KIF16B: variants seen among roughly 807,000 people sequenced by gnomAD.
KIF16B encodes kinesin family member 16B.
Under a neutral mutation model 156.3 loss-of-function variants are expected in KIF16B, and 98 were observed. The observed-to-expected ratio is 0.63, with a 90% CI of 0.53 to 0.74. The LOEUF (loss-of-function observed/expected upper bound fraction) is 0.74. KIF16B is among the 30% of genes least tolerant of loss of function. KIF16B has a pLI of 0.00. For missense variants in KIF16B, 1,421 were observed against 1,606.5 expected (o/e 0.88, Z 1.97); for synonymous variants, 564 against 583.7 (o/e 0.97, Z 0.49).
intron 12 of KIF16B, among the ~76,000 whole-genome samples, chr20:16,442,863 A>G (rs2066840419): frequency 6.6e-6 from 1 of 152,152 alleles, no homozygotes; most frequent in Non-Finnish European, 1.5e-5. Context: ...GGGAGGAAGA[A>G]AAGAAGGAAA....
intron 23 of KIF16B, among the ~76,000 whole-genome samples, chr20:16,337,270 C>T (rs78080466): frequency 0.037 from 5,590 of 152,118 alleles, 153 homozygotes; most frequent in Middle Eastern, 0.051. Context: ...CTGATTCTCC[C>T]GCAGGTAAAT....
chr20:16,370,536 G>T, intron 22 of KIF16B, 50 bp downstream of exon 22: 1 of 1,411,750 alleles, frequency 7.1e-7, no homozygotes, highest in Non-Finnish European at 9.6e-7. Context: ...AATCACATGA[G>T]CATGCCATAA....
At chr20:16,292,324 C>T (rs914685662) in intron 25 of KIF16B, among the ~76,000 whole-genome samples, 3 of 152,120 alleles carry the variant, frequency 2.0e-5, no homozygotes, top group Non-Finnish European at 4.4e-5. Flanking sequence ...CATCCATTCC[C>T]CCTCTAAATA....
chr20:16,301,694 T>C (rs905087827), intron 25 of KIF16B, among the ~76,000 whole-genome samples: 3 of 152,150 alleles, frequency 2.0e-5, no homozygotes, highest in African/African-American at 7.2e-5. Context: ...CTCACTCTGT[T>C]GCCCAGGCTG....
intron 25 of KIF16B, among the ~76,000 whole-genome samples, chr20:16,296,005 G>T (rs1008790310): frequency 6.6e-6 from 1 of 152,128 alleles, no homozygotes; most frequent in Non-Finnish European, 1.5e-5. Flanking sequence ...TCTATCTGAC[G>T]CTTCTCCCAG....
At position 16,283,231 on chromosome 20, in the gene KIF16B, G is replaced by A. The variant is rs1389247406; in HGVS notation, c.3796-9820C>T. On this transcript the variant is annotated intron_variant, in intron 25 of 25. Transcript: ENST00000354981. ...GAAAATTCCGGCTCCACCCCATCCTGTTTTCCTGGGGTGGGCTACCCAGGG... is the reference window on the plus strand; with the variant it reads ...GAAAATTCCGGCTCCACCCCATCCTATTTTCCTGGGGTGGGCTACCCAGGG... Among the ~76,000 whole-genome samples, 4 of 152,210 alleles carry A rather than the reference G, an allele frequency of 2.6e-5. No individual in the cohort carries two copies. The East Asian group carries it at 7.7e-4, about 29-fold the overall frequency.
chr20:16,371,527 T>A, intron 21 of KIF16B, 138 bp downstream of exon 21: 1 of 567,608 alleles, frequency 1.8e-6, no homozygotes, highest in Non-Finnish European at 3.1e-6. Flanking sequence ...GAGGTGGAGG[T>A]TGCAGTGAGC....
chr20:16,375,566 T>C lies in KIF16B; in HGVS notation c.3198-1157A>G, dbSNP rs867098460. Among the ~76,000 whole-genome samples the C allele has an allele frequency of 1.5e-4, 23 of 152,074 alleles. No homozygotes were observed. In the Middle Eastern group the frequency reaches 0.01, roughly 67 times the overall value. On this transcript the variant is annotated intron_variant, in intron 19 of 25. Coordinates refer to ENST00000354981, the MANE Select transcript of KIF16B (RefSeq NM_024704.5). ...TAGCAAGTACTTCTAGAGCATCAAT[T>C]TGTGGAACACACAGTATTTTCAAAA...
chr20:16,544,287 C>T (rs2070315660), intron 1 of KIF16B, among the ~76,000 whole-genome samples: 1 of 152,050 alleles, frequency 6.6e-6, no homozygotes, highest in African/African-American at 2.4e-5. Flanking sequence ...CCTATCTAAT[C>T]CAAGTGACTT....
At chr20:16,406,302 C>A in intron 16 of KIF16B, 72 bp downstream of exon 16, 1 of 1,292,504 alleles carries the variant, frequency 7.7e-7, no homozygotes, top group Non-Finnish European at 1.1e-6. Context: ...AAGATTGGAA[C>A]CAGAGTGACC....
chr20:16,543,860 T>A (rs1205800948), intron 1 of KIF16B, among the ~76,000 whole-genome samples: 2 of 152,074 alleles, frequency 1.3e-5, no homozygotes, highest in African/African-American at 2.4e-5. Flanking sequence ...AGTGACTTAC[T>A]CAAAGCTCCC....
intron 17 of KIF16B, among the ~76,000 whole-genome samples, chr20:16,385,535 T>C (rs141475322): frequency 2.0e-5 from 3 of 152,306 alleles, no homozygotes; most frequent in Admixed American, 6.5e-5. Context: ...GCTTCATTGC[T>C]GTAAAGGCTG....
At chr20:16,346,183 T>C (rs1284274739) in intron 23 of KIF16B, among the ~76,000 whole-genome samples, 1 of 152,148 alleles carries the variant, frequency 6.6e-6, no homozygotes, top group Non-Finnish European at 1.5e-5. Flanking sequence ...CAAAGGTACT[T>C]GAGGGAAGAA....
At chr20:16,549,959 A>G (rs1159965187) in intron 1 of KIF16B, among the ~76,000 whole-genome samples, 10 of 64,802 alleles carry the variant, frequency 1.5e-4, no homozygotes, top group South Asian at 1.2e-3. Context: ...TGTCCAAAAC[A>G]CCAAAAGCAA....
chr20:16,291,880 T>C (rs185928741), intron 25 of KIF16B, among the ~76,000 whole-genome samples: 29 of 152,278 alleles, frequency 1.9e-4, no homozygotes, highest in African/African-American at 6.5e-4. Context: ...CCTGGAGATA[T>C]TAAGGGCAGA....
chr20:16,377,787 G>C (rs1241026286), intron 19 of KIF16B, among the ~76,000 whole-genome samples: 1 of 152,148 alleles, frequency 6.6e-6, no homozygotes, highest in Non-Finnish European at 1.5e-5. Flanking sequence ...AGTCTTCAAG[G>C]CTCCAGAAAA....
At chr20:16,436,988 A>T (rs1399053923) in intron 12 of KIF16B, among the ~76,000 whole-genome samples, 1 of 152,196 alleles carries the variant, frequency 6.6e-6, no homozygotes, top group African/African-American at 2.4e-5. Context: ...AGAATGCTCA[A>T]GTCTCTCACG....
chr20:16,564,382 C>T (rs1296686726), intron 1 of KIF16B, among the ~76,000 whole-genome samples: 3 of 152,118 alleles, frequency 2.0e-5, no homozygotes, highest in Admixed American at 2.0e-4. Context: ...GTGAATAGTG[C>T]CGCAATAAAC....
At chr20:16,423,646 T>C (rs1157913909) in intron 15 of KIF16B, among the ~76,000 whole-genome samples, 2 of 152,268 alleles carry the variant, frequency 1.3e-5, no homozygotes, top group Admixed American at 1.3e-4. Context: ...CTGAAGGAGA[T>C]GCAGCCAGTA....
Sources: gnomAD v4.1 joint callset for allele counts (sites outside exome capture counted in the v4.1 genomes callset) on GRCh38, gnomAD v4.1.1 for gene constraint, MANE v1.5 for transcripts, NCBI Gene and HGNC (gene_info 2026-07-23, HGNC 2026-07-21) for gene names.